Variants in ZNRF2 observed in about 807,000 individuals in gnomAD.
The protein encoded by ZNRF2 is zinc and ring finger 2.
A neutral mutation model predicts 20.4 loss-of-function variants in ZNRF2; 16 were observed. The observed-to-expected ratio is 0.79, with a 90% CI of 0.53 to 1.19. The LOEUF (loss-of-function observed/expected upper bound fraction) is 1.19. Among genes scored for constraint, ZNRF2 ranks in the 50% most tolerant of loss-of-function variants. The pLI is 0.00. For missense variants in ZNRF2, 363 were observed against 332.4 expected (o/e 1.09, Z -0.72); for synonymous variants, 178 against 144.9 (o/e 1.23, Z -1.64).
At position 30,351,581 on chromosome 7, in the gene ZNRF2, G is replaced by A. The variant is rs184743851; in HGVS notation, c.566-4147G>A. Among the ~76,000 whole-genome samples the A allele has an allele frequency of 5.3e-5, 8 of 152,056 alleles. No individual in the cohort carries two copies. The East Asian group carries it at 1.3e-3, about 26-fold the overall frequency. ...ACAGTCCAGTTGCTTTGGTATTTAC[G>A]TTGCTTTAAAGTGAAATTGTTTCTT... On this transcript the variant is annotated intron_variant, in intron 2 of 4. Transcript: ENST00000323037.
chr7:30,318,812 A>G (rs1392966616), intron 1 of ZNRF2, among the ~76,000 whole-genome samples: 1 of 152,202 alleles, frequency 6.6e-6, no homozygotes, highest in Non-Finnish European at 1.5e-5. Context: ...TTTTATTATT[A>G]AAGAATGTCA....
chr7:30,299,159 G>C (rs1449675581), intron 1 of ZNRF2, among the ~76,000 whole-genome samples: 1 of 152,070 alleles, frequency 6.6e-6, no homozygotes, highest in Non-Finnish European at 1.5e-5. Context: ...TGGGCGTGGT[G>C]GCTCACGCCT....
At chr7:30,305,002 C>T (rs1378734532) in intron 1 of ZNRF2, among the ~76,000 whole-genome samples, 1 of 152,068 alleles carries the variant, frequency 6.6e-6, no homozygotes, top group Non-Finnish European at 1.5e-5. Flanking sequence ...ATACTCAAAA[C>T]TTATGTCCTA....
At chr7:30,362,926 G>A (rs1172241650) in intron 4 of ZNRF2, among the ~76,000 whole-genome samples, 1 of 152,154 alleles carries the variant, frequency 6.6e-6, no homozygotes, top group Non-Finnish European at 1.5e-5. Flanking sequence ...GACCATCCCT[G>A]GCTAACACGG....
intron 3 of ZNRF2, among the ~76,000 whole-genome samples, chr7:30,358,765 A>G (rs1359387959): frequency 6.6e-6 from 1 of 152,216 alleles, no homozygotes; most frequent in Admixed American, 6.5e-5. Context: ...ACAGCATAGC[A>G]TGAGAGTTAA....
intron 1 of ZNRF2, among the ~76,000 whole-genome samples, chr7:30,303,241 C>T (rs939786788): frequency 7.6e-5 from 11 of 144,450 alleles, no homozygotes; most frequent in African/African-American, 1.6e-4. Context: ...CCAGCTTGGG[C>T]GATGGAAATG....
intron 1 of ZNRF2, among the ~76,000 whole-genome samples, chr7:30,320,289 A>G (rs1295162174): frequency 6.6e-6 from 1 of 152,168 alleles, no homozygotes; most frequent in Non-Finnish European, 1.5e-5. Flanking sequence ...ATACATTTAT[A>G]AATAAATCTA....
Position 30,366,744 on chromosome 7 carries a change from C to G in ZNRF2, c.*732C>G, listed in dbSNP as rs557871367. 1.8e-4 allele frequency: 27 copies of G among 152,594 alleles called. No homozygotes were observed. The highest frequency in any genetic ancestry group is 6.3e-4 in the African/African-American group (26 of 41,536). The allele number at this position is 152,594 out of a possible 1,614,324, so 9.5% of individuals were successfully genotyped here. Reference sequence around the variant, plus strand: ...TTTTAATTAAATATAGAATATTCTACTGAATTGCAATTTATTAAATATTCT... The same window carrying G: ...TTTTAATTAAATATAGAATATTCTAGTGAATTGCAATTTATTAAATATTCT... On this transcript the variant is annotated 3_prime_UTR_variant, in exon 5 of 5. Coordinates refer to ENST00000323037, the MANE Select transcript of ZNRF2 (RefSeq NM_147128.4).
chr7:30,329,290 A>G (rs986221145), intron 2 of ZNRF2, among the ~76,000 whole-genome samples: 1 of 152,222 alleles, frequency 6.6e-6, no homozygotes, highest in African/African-American at 2.4e-5. Flanking sequence ...TGTATTAGGT[A>G]CATACCAGTT....
At chr7:30,322,747 A>G (rs1167412577) in intron 1 of ZNRF2, among the ~76,000 whole-genome samples, 3 of 151,974 alleles carry the variant, frequency 2.0e-5, no homozygotes, top group African/African-American at 4.8e-5. Flanking sequence ...TAAGTTGGCT[A>G]TCTGGGTTCA....
intron 2 of ZNRF2, among the ~76,000 whole-genome samples, chr7:30,337,336 A>G (rs533481339): frequency 6.6e-6 from 1 of 152,294 alleles, no homozygotes; most frequent in Non-Finnish European, 1.5e-5. Flanking sequence ...CCAGCCAGCA[A>G]GTTAGCCTGG....
chr7:30,350,862 G>A (rs553785519), intron 2 of ZNRF2, among the ~76,000 whole-genome samples: 6 of 152,062 alleles, frequency 3.9e-5, no homozygotes, highest in East Asian at 1.9e-4. Context: ...CCATAATAGC[G>A]CTTGGCGTTG....
Position 30,284,604 on chromosome 7 carries a change from C to G in ZNRF2, c.-754C>G, listed in dbSNP as rs1198427107. 6.5e-6 allele frequency: 1 copy of G among 152,824 alleles called. No individual in the cohort carries two copies. The highest frequency in any genetic ancestry group is 6.5e-5 in the Admixed American group (1 of 15,282). The allele number at this position is 152,824 out of a possible 1,614,324, so 9.5% of individuals were successfully genotyped here. A position where few individuals can be genotyped will look rare whatever the true frequency, so the allele number is the denominator to read the frequency against. On this transcript the variant is annotated 5_prime_UTR_variant, in exon 1 of 5. Coordinates refer to ENST00000323037, the MANE Select transcript of ZNRF2 (RefSeq NM_147128.4). ...GGTCAACGCGCGCGACCCAAACACA[C>G]GGGCCGGGCGCACCCTGCAGCCGCG...
At chr7:30,295,014 G>GGAGAGAGAGAGAGAGAGAGAGAGAGA (rs1161510140) in intron 1 of ZNRF2, among the ~76,000 whole-genome samples, 1 of 25,206 alleles carries the variant, frequency 4.0e-5, no homozygotes, top group Non-Finnish European at 8.7e-5. Flanking sequence ...AGGGAGGGAA[G>GGAGAGAGAGAGAGAGAGAGAGAGAGA]GAGAGAGAGA....
chr7:30,311,192 A>C (rs563210725), intron 1 of ZNRF2, among the ~76,000 whole-genome samples: 2 of 152,238 alleles, frequency 1.3e-5, no homozygotes, highest in African/African-American at 4.8e-5. Context: ...ACTTGGTGCC[A>C]TTCCCCTTGG....
chr7:30,343,277 T>A (rs1160362982), intron 2 of ZNRF2, among the ~76,000 whole-genome samples: 1 of 152,226 alleles, frequency 6.6e-6, no homozygotes, highest in East Asian at 1.9e-4. Flanking sequence ...ATCGCACCAC[T>A]ACACCTCAGC....
Position 30,285,705 on chromosome 7 carries a change from G to T in ZNRF2, c.348G>T (p.Ser116=), listed in dbSNP as rs770619063. 596 of 1,470,722 alleles carry T rather than the reference G, an allele frequency of 4.1e-4. No individual in the cohort carries two copies. The highest frequency in any genetic ancestry group is 5.0e-4 in the Non-Finnish European group (558 of 1,117,418). The allele number at this position is 1,470,722 out of a possible 1,614,324, so 91.1% of individuals were successfully genotyped here. A position where few individuals can be genotyped will look rare whatever the true frequency, so the allele number is the denominator to read the frequency against. ...SSSGPYGSQD[S]VHSSPEDGGG... is the part of the protein sequence containing the mutation. The stretch of plus-strand genomic sequence containing the variant: ...GCGGCCCGTACGGCTCGCAGGACTC[G>T]GTGCACAGCAGCCCTGAGGACGGCG... The change falls in exon 1 of 5, where the codon TCG becomes TCT. Residue 116 remains serine (S), a synonymous_variant. Transcript: ENST00000323037.
chr7:30,302,093 C>T (rs1799126469), intron 1 of ZNRF2, among the ~76,000 whole-genome samples: 1 of 152,138 alleles, frequency 6.6e-6, no homozygotes, highest in African/African-American at 2.4e-5. Flanking sequence ...GTCTGGCATG[C>T]CTTTGACATT....
chr7:30,357,307 A>G (rs1800056133), intron 3 of ZNRF2, among the ~76,000 whole-genome samples: 1 of 152,218 alleles, frequency 6.6e-6, no homozygotes, highest in Non-Finnish European at 1.5e-5. Context: ...ACCATATAGG[A>G]TGCTGTACAC....
Sources: gnomAD v4.1 joint callset for allele counts (sites outside exome capture counted in the v4.1 genomes callset) on GRCh38, gnomAD v4.1.1 for gene constraint, MANE v1.5 for transcripts, NCBI Gene and HGNC (gene_info 2026-07-23, HGNC 2026-07-21) for gene names.